SETBP1: variants seen among roughly 807,000 people sequenced by gnomAD.
SETBP1 encodes SET-binding protein.
Under a neutral mutation model 101.0 loss-of-function variants are expected in SETBP1, and 9 were observed. That is an observed-to-expected ratio of 0.09 (90% CI 0.05 to 0.16). SETBP1 has a LOEUF of 0.16. Among genes scored for constraint, SETBP1 ranks in the 10% least tolerant of loss-of-function variants. The probability of loss-of-function intolerance (pLI) is 1.00; values close to 1 mark genes in which losing one functional copy is unlikely to be tolerated. For missense variants in SETBP1, 1,858 were observed against 2,033.8 expected (o/e 0.91, Z 1.66); for synonymous variants, 818 against 788.5 (o/e 1.04, Z -0.63).
chr18:44,827,478 C>A (rs1203827758), intron 2 of SETBP1, among the ~76,000 whole-genome samples: 1 of 152,158 alleles, frequency 6.6e-6, no homozygotes, highest in Non-Finnish European at 1.5e-5. Flanking sequence ...TGTCAGACAG[C>A]CCCCATGATA....
At chr18:45,046,726 C>A (rs575937100) in intron 5 of SETBP1, among the ~76,000 whole-genome samples, 40 of 152,202 alleles carry the variant, frequency 2.6e-4, no homozygotes, top group Non-Finnish European at 5.0e-4. Flanking sequence ...TTCACTAGGG[C>A]AGCAACCATT....
At chr18:44,982,058 G>T (rs1248939638) in intron 4 of SETBP1, among the ~76,000 whole-genome samples, 2 of 152,222 alleles carry the variant, frequency 1.3e-5, no homozygotes, top group East Asian at 3.9e-4. Flanking sequence ...GTTTGGGGAA[G>T]GTGGGGTGGA....
At chr18:44,919,673 C>T (rs893611645) in intron 3 of SETBP1, among the ~76,000 whole-genome samples, 2 of 151,574 alleles carry the variant, frequency 1.3e-5, no homozygotes, top group Non-Finnish European at 2.9e-5. Flanking sequence ...TAAGCTTGTC[C>T]CCATATCCTC....
intron 2 of SETBP1, among the ~76,000 whole-genome samples, chr18:44,705,462 T>C (rs1265623536): frequency 6.6e-6 from 1 of 152,164 alleles, no homozygotes; most frequent in Non-Finnish European, 1.5e-5. Flanking sequence ...TTTTGTTTTA[T>C]TTTGTTTTGC....
chr18:44,869,193 A>C, intron 2 of SETBP1, 37 bp from the exon 3 acceptor site: 1 of 1,603,008 alleles, frequency 6.2e-7, no homozygotes. Context: ...TGCAAACTGA[A>C]AAGTGTCACT....
intron 4 of SETBP1, among the ~76,000 whole-genome samples, chr18:44,968,688 C>A (rs140970083): frequency 9.8e-4 from 149 of 152,316 alleles, no homozygotes; most frequent in African/African-American, 3.5e-3. Context: ...TGTTGTATGT[C>A]TCAATGGCTT....
chr18:44,735,536 A>G (rs1654367407), intron 2 of SETBP1, among the ~76,000 whole-genome samples: 1 of 152,198 alleles, frequency 6.6e-6, no homozygotes, highest in Admixed American at 6.5e-5. Context: ...ATAGTAACAA[A>G]CACCCAAACA....
chr18:45,042,045 C>A (rs1186609371), intron 5 of SETBP1, among the ~76,000 whole-genome samples: 1 of 151,918 alleles, frequency 6.6e-6, no homozygotes, highest in Admixed American at 6.6e-5. Context: ...AGTAAATAAT[C>A]ACTGAGTGAA....
chr18:44,826,985 A>T (rs2072252957), intron 2 of SETBP1, among the ~76,000 whole-genome samples: 1 of 152,238 alleles, frequency 6.6e-6, no homozygotes, highest in African/African-American at 2.4e-5. Flanking sequence ...TATCCAATGC[A>T]GGCTAAGAAT....
chr18:44,965,397 C>T (rs1161086160), intron 4 of SETBP1, among the ~76,000 whole-genome samples: 1 of 152,038 alleles, frequency 6.6e-6, no homozygotes, highest in Non-Finnish European at 1.5e-5. Flanking sequence ...AGAGAGAAGG[C>T]ACTTGCTATT....
At chr18:44,984,680 C>T (rs2072190473) in intron 4 of SETBP1, among the ~76,000 whole-genome samples, 1 of 152,132 alleles carries the variant, frequency 6.6e-6, no homozygotes, top group Admixed American at 6.5e-5. Context: ...GAGGTCACAC[C>T]TCTAAAGCAT....
chr18:44,854,550 TG>T (rs986886400), intron 2 of SETBP1, among the ~76,000 whole-genome samples: 47 of 152,334 alleles, frequency 3.1e-4, no homozygotes, highest in African/African-American at 1.0e-3. Context: ...AAGATGTTCA[TG>T]GGCTATTGAC....
chr18:44,985,907 G>C (rs1355866029), intron 4 of SETBP1, among the ~76,000 whole-genome samples: 1 of 152,216 alleles, frequency 6.6e-6, no homozygotes, highest in Non-Finnish European at 1.5e-5. Context: ...CCAAGAACCA[G>C]AGTACTCAAT....
intron 5 of SETBP1, among the ~76,000 whole-genome samples, chr18:45,053,401 A>C (rs2073755391): frequency 6.6e-6 from 1 of 152,200 alleles, no homozygotes; most frequent in African/African-American, 2.4e-5. Context: ...GAGCACAGAA[A>C]ACCTGGAGGT....
At chr18:44,964,691 T>C (rs2071683528) in intron 4 of SETBP1, among the ~76,000 whole-genome samples, 2 of 151,892 alleles carry the variant, frequency 1.3e-5, no homozygotes, top group Non-Finnish European at 2.9e-5. Context: ...ACCATGATAA[T>C]GTAAATGCAC....
chr18:44,989,856 G>A (rs868774482), intron 4 of SETBP1, among the ~76,000 whole-genome samples: 14 of 90,216 alleles, frequency 1.6e-4, no homozygotes, highest in African/African-American at 2.3e-4. Flanking sequence ...GCGACAGAGC[G>A]AGACTCCGTC....
intron 2 of SETBP1, among the ~76,000 whole-genome samples, chr18:44,809,337 A>T (rs2144818979): frequency 6.6e-6 from 1 of 152,328 alleles, no homozygotes; most frequent in African/African-American, 2.4e-5. Context: ...CCAAGGAAGA[A>T]CCTATTTCAA....
chr18:44,994,041 C>G (rs2072438624), intron 4 of SETBP1, among the ~76,000 whole-genome samples: 1 of 151,800 alleles, frequency 6.6e-6, no homozygotes, highest in Admixed American at 6.6e-5. Flanking sequence ...TATCAAAAGA[C>G]ATAAAAAAGA....
At chr18:44,824,278 C>G (rs1332057675) in intron 2 of SETBP1, among the ~76,000 whole-genome samples, 1 of 152,200 alleles carries the variant, frequency 6.6e-6, no homozygotes, top group East Asian at 1.9e-4. Context: ...GCCCACCCAA[C>G]AGTGCACCCT....
Sources: gnomAD v4.1 joint callset for allele counts (sites outside exome capture counted in the v4.1 genomes callset) on GRCh38, gnomAD v4.1.1 for gene constraint, MANE v1.5 for transcripts, NCBI Gene and HGNC (gene_info 2026-07-23, HGNC 2026-07-21) for gene names.